Variants in SCHIP1 observed in about 807,000 individuals in gnomAD.
SCHIP1 encodes the protein schwannomin interacting protein 1, also known as schwannomin-interacting protein 1.
SCHIP1 carries 8 observed loss-of-function variants against 29.7 expected under a neutral mutation model. That is an observed-to-expected ratio of 0.27 (90% confidence interval 0.16 to 0.49). The LOEUF is 0.49. Ranked by LOEUF, SCHIP1 falls within the 20% of genes least tolerant of loss-of-function variation. SCHIP1 has a pLI of 0.99. For missense variants in SCHIP1, 193 were observed against 294.6 expected, an observed-to-expected ratio of 0.66 and a Z score of 2.52; for synonymous variants, 76 against 94.9, an observed-to-expected ratio of 0.80 and a Z score of 1.16.
chr3:159,626,826 G>C, the SCHIP1 span, among the ~76,000 whole-genome samples: 2 of 152,100 alleles, frequency 1.3e-5, no homozygotes, highest in African/African-American at 4.8e-5. Context: ...ATTGGGATTG[G>C]CAAGTGTCCT....
At chr3:159,761,001 A>T in the SCHIP1 span, among the ~76,000 whole-genome samples, 1 of 152,258 alleles carries the variant, frequency 6.6e-6, no homozygotes, top group Non-Finnish European at 1.5e-5. Flanking sequence ...AGGTACAGAG[A>T]ATCAGGCAAG....
chr3:159,405,540 G>A, the SCHIP1 span, among the ~76,000 whole-genome samples: 1 of 152,136 alleles, frequency 6.6e-6, no homozygotes, highest in Non-Finnish European at 1.5e-5. Context: ...GGCAGAATTG[G>A]TCACACAGAG....
the SCHIP1 span, among the ~76,000 whole-genome samples, chr3:159,281,223 C>A: frequency 2.0e-5 from 3 of 152,150 alleles, no homozygotes; most frequent in Admixed American, 6.5e-5. Flanking sequence ...CTTGGAACTT[C>A]ATTTTGGGAT....
the SCHIP1 span, among the ~76,000 whole-genome samples, chr3:159,558,268 G>T: frequency 6.6e-6 from 1 of 152,208 alleles, no homozygotes; most frequent in Non-Finnish European, 1.5e-5. Context: ...TTGGCCTAAA[G>T]AAGATGTGTG....
At chr3:159,500,348 A>G in the SCHIP1 span, among the ~76,000 whole-genome samples, 75 of 152,262 alleles carry the variant, frequency 4.9e-4, no homozygotes, top group African/African-American at 1.6e-3. Flanking sequence ...TTCCTTAAAT[A>G]GTTAGCTTAG....
chr3:159,564,539 G>C, the SCHIP1 span, among the ~76,000 whole-genome samples: 1 of 152,020 alleles, frequency 6.6e-6, no homozygotes, highest in Non-Finnish European at 1.5e-5. Context: ...ACCATGCCTG[G>C]CTAATTTTGA....
chr3:159,738,939 T>A, the SCHIP1 span, among the ~76,000 whole-genome samples: 2 of 152,114 alleles, frequency 1.3e-5, no homozygotes, highest in South Asian at 2.1e-4. Context: ...AAATAGGCAA[T>A]GCAAAGATCC....
the SCHIP1 span, among the ~76,000 whole-genome samples, chr3:159,803,398 T>A: frequency 6.6e-6 from 1 of 152,200 alleles, no homozygotes; most frequent in Non-Finnish European, 1.5e-5. Flanking sequence ...GACGTGTGGG[T>A]GTAAGTCCTA....
At chr3:159,473,414 G>C in the SCHIP1 span, among the ~76,000 whole-genome samples, 1 of 152,002 alleles carries the variant, frequency 6.6e-6, no homozygotes, top group African/African-American at 2.4e-5. Flanking sequence ...AGTTACCCTA[G>C]AGGATATGTA....
chr3:159,575,780 G>T, the SCHIP1 span, among the ~76,000 whole-genome samples: 4 of 152,022 alleles, frequency 2.6e-5, no homozygotes, highest in Admixed American at 2.6e-4. Context: ...TAAAGTCAAA[G>T]TTGATCAGTA....
At chr3:159,504,485 T>G in the SCHIP1 span, among the ~76,000 whole-genome samples, 1 of 152,172 alleles carries the variant, frequency 6.6e-6, no homozygotes. Context: ...TCTTCATACA[T>G]TCAACAGGAA....
chr3:159,420,000 CTTA>C, the SCHIP1 span, among the ~76,000 whole-genome samples: 4 of 152,150 alleles, frequency 2.6e-5, no homozygotes, highest in Non-Finnish European at 4.4e-5. Flanking sequence ...TGTCTGAAAA[CTTA>C]TTATTTCCAC....
chr3:159,773,962 C>T, the SCHIP1 span, among the ~76,000 whole-genome samples: 1,820 of 152,224 alleles, frequency 0.012, 10 homozygotes, highest in Non-Finnish European at 0.02. Context: ...AGATGCCTGG[C>T]GTAGTTAGAA....
chr3:159,608,309 A>G, the SCHIP1 span, among the ~76,000 whole-genome samples: 24 of 152,224 alleles, frequency 1.6e-4, no homozygotes, highest in African/African-American at 5.8e-4. Flanking sequence ...TTATAAGCAT[A>G]TCGCTTAATA....
intron 2 of SCHIP1, among the ~76,000 whole-genome samples, chr3:159,874,230 T>G (rs1715552724): frequency 6.6e-6 from 1 of 152,218 alleles, no homozygotes; most frequent in South Asian, 2.1e-4. Context: ...ACACAGTCTT[T>G]TTCATAAAGT....
intron 3 of SCHIP1, 102 bp downstream of exon 4, chr3:159,886,426 T>G (rs1716969130): frequency 1.9e-6 from 2 of 1,062,032 alleles, no homozygotes; most frequent in South Asian, 3.3e-5. Flanking sequence ...TTTCAGAGAT[T>G]AAAGAAGAAA....
the SCHIP1 span, among the ~76,000 whole-genome samples, chr3:159,281,563 C>T: frequency 1.4e-3 from 207 of 152,216 alleles, no homozygotes; most frequent in African/African-American, 4.8e-3. Flanking sequence ...ACCTACAAAT[C>T]TGTGCTGTGT....
At chr3:159,598,024 A>G in the SCHIP1 span, among the ~76,000 whole-genome samples, 1 of 152,170 alleles carries the variant, frequency 6.6e-6, no homozygotes, top group Admixed American at 6.5e-5. Context: ...TAAAACCACC[A>G]GATCTGGTGA....
At chr3:159,621,899 T>C in the SCHIP1 span, among the ~76,000 whole-genome samples, 1 of 152,088 alleles carries the variant, frequency 6.6e-6, no homozygotes, top group Non-Finnish European at 1.5e-5. Context: ...CTTCTGACCT[T>C]AGGTGATCTG....
Sources: allele counts gnomAD v4.1 joint callset (sites outside exome capture counted in the v4.1 genomes callset), GRCh38; gene constraint gnomAD v4.1.1; transcripts MANE v1.5; gene names NCBI Gene and HGNC (gene_info 2026-07-23, HGNC 2026-07-21).